CFAP20DC: variants seen among roughly 807,000 people sequenced by gnomAD.
CFAP20DC encodes CFAP20 domain containing, also known as protein CFAP20DC.
Under a neutral mutation model 101.7 loss-of-function variants are expected in CFAP20DC, and 84 were observed. The ratio of observed to expected loss-of-function variants is 0.83; its 90% CI spans 0.69 to 0.99. The LOEUF (loss-of-function observed/expected upper bound fraction) is 0.99. CFAP20DC is among the 50% of genes least tolerant of loss of function. The pLI is 0.00. For missense variants in CFAP20DC, 1,007 were observed against 970.3 expected, an observed-to-expected ratio of 1.04 and a Z score of -0.50; for synonymous variants, 359 against 351.2, an observed-to-expected ratio of 1.02 and a Z score of -0.25.
At chr3:58,980,394 C>A (rs1273601041) in intron 4 of CFAP20DC, among the ~76,000 whole-genome samples, 1 of 151,998 alleles carries the variant, frequency 6.6e-6, no homozygotes, top group Non-Finnish European at 1.5e-5. Context: ...ACGGCAGAGA[C>A]ACAACAAAAA....
At chr3:59,031,701 G>A (rs1307119870) in intron 4 of CFAP20DC, among the ~76,000 whole-genome samples, 1 of 152,100 alleles carries the variant, frequency 6.6e-6, no homozygotes, top group East Asian at 1.9e-4. Context: ...CACCCAAGAA[G>A]ACAAGATTGT....
chr3:58,750,150 C>T (rs184549571), intron 16 of CFAP20DC, among the ~76,000 whole-genome samples: 84 of 152,304 alleles, frequency 5.5e-4, no homozygotes, highest in Admixed American at 9.8e-4. Flanking sequence ...ACACAAACTC[C>T]TACTGAATAA....
intron 4 of CFAP20DC, among the ~76,000 whole-genome samples, chr3:58,943,024 G>T (rs1388064825): frequency 6.6e-6 from 1 of 152,212 alleles, no homozygotes; most frequent in Non-Finnish European, 1.5e-5. Context: ...TGCTTCTCTA[G>T]ATTCCTCCTC....
intron 4 of CFAP20DC, among the ~76,000 whole-genome samples, chr3:59,021,010 G>A (rs1159692212): frequency 5.9e-5 from 9 of 151,938 alleles, no homozygotes; most frequent in Non-Finnish European, 1.3e-4. Context: ...TGTTCCTCCA[G>A]GCTCTCTCTT....
chr3:58,782,980 A>C (rs2071979392), intron 15 of CFAP20DC, among the ~76,000 whole-genome samples: 1 of 151,970 alleles, frequency 6.6e-6, no homozygotes, highest in South Asian at 2.1e-4. Context: ...ACAAAACAAA[A>C]CAAAACAAAA....
At chr3:58,908,704 T>A (rs1173828024) in intron 6 of CFAP20DC, among the ~76,000 whole-genome samples, 2 of 152,174 alleles carry the variant, frequency 1.3e-5, no homozygotes, top group East Asian at 3.8e-4. Flanking sequence ...CACAAAAATG[T>A]TTATAACAGT....
chr3:58,945,519 A>T (rs2089233539), intron 4 of CFAP20DC, among the ~76,000 whole-genome samples: 1 of 152,022 alleles, frequency 6.6e-6, no homozygotes, highest in Non-Finnish European at 1.5e-5. Flanking sequence ...GGCTAATCTT[A>T]TTTTCCTCAT....
chr3:58,716,842 G>C (rs1247257224), downstream of CFAP20DC, among the ~76,000 whole-genome samples: 2 of 152,112 alleles, frequency 1.3e-5, no homozygotes, highest in Non-Finnish European at 2.9e-5. Context: ...CTCAGGAAAA[G>C]GGCCAGAGTA....
intron 4 of CFAP20DC, among the ~76,000 whole-genome samples, chr3:59,036,111 A>G (rs1450454085): frequency 6.6e-6 from 1 of 152,230 alleles, no homozygotes; most frequent in Non-Finnish European, 1.5e-5. Flanking sequence ...CTTTGTGCTA[A>G]AAGTTCTCCA....
At chr3:58,856,868 G>T (rs1374985948) in intron 12 of CFAP20DC, among the ~76,000 whole-genome samples, 1 of 152,144 alleles carries the variant, frequency 6.6e-6, no homozygotes, top group African/African-American at 2.4e-5. Context: ...AAATATTGCA[G>T]TTTATTTTCC....
chr3:58,746,399 T>C (rs1193305120), intron 16 of CFAP20DC, among the ~76,000 whole-genome samples: 1 of 152,186 alleles, frequency 6.6e-6, no homozygotes, highest in Non-Finnish European at 1.5e-5. Flanking sequence ...ATTCAGTGTA[T>C]TCTGTGCCTA....
chr3:58,939,361 A>G (rs1023295816), intron 4 of CFAP20DC, among the ~76,000 whole-genome samples: 1 of 152,218 alleles, frequency 6.6e-6, no homozygotes, highest in African/African-American at 2.4e-5. Context: ...AAAGGGAACA[A>G]AAAGAGGGAC....
intron 4 of CFAP20DC, among the ~76,000 whole-genome samples, chr3:59,026,237 C>CAA (rs2093890213): frequency 1.3e-5 from 2 of 151,982 alleles, no homozygotes; most frequent in African/African-American, 4.8e-5. Context: ...GAGATGCGTT[C>CAA]AAAATATTAA....
intron 5 of CFAP20DC, among the ~76,000 whole-genome samples, chr3:58,936,966 A>AG (rs1202882104): frequency 6.6e-6 from 1 of 152,058 alleles, no homozygotes; most frequent in Non-Finnish European, 1.5e-5. Context: ...CAAAAAAAAA[A>AG]AAGAGAGATA....
intron 10 of CFAP20DC, 142 bp from the exon 11 acceptor site, chr3:58,866,830 G>A: frequency 2.3e-6 from 1 of 432,712 alleles, no homozygotes; most frequent in South Asian, 4.0e-5. Flanking sequence ...ATTACATGCA[G>A]TTTTTTTTTT....
At position 58,869,444 on chromosome 3, in the gene CFAP20DC, G is replaced by T. The variant is rs752355741; in HGVS notation, c.899C>A (p.Ser300Tyr). 3 of 1,613,406 alleles carry T rather than the reference G, an allele frequency of 1.9e-6. No individual in the cohort carries two copies. The highest frequency in any genetic ancestry group is 1.1e-5 in the South Asian group (1 of 90,932). The change falls in exon 9 of 17, where the codon TCC becomes TAC. Residue 300 changes from serine (S) to tyrosine (Y), a missense_variant. Ser to Tyr is a moderately radical substitution (Grantham distance 144). Coordinates refer to ENST00000482387, the MANE Select transcript of CFAP20DC (RefSeq NM_001394063.1). The surrounding 1 kb of genome is among the most constrained non-coding windows in gnomAD (Gnocchi z 4.3). ...GSKNNRSCQP[S>Y]TVEKCVNGTE... is the part of the protein sequence containing the mutation. ...ACCATTAACACACTTCTCTACAGTGGACGGCTGGCATGATCGGTTATTTTT... is the reference window on the plus strand; with the variant it reads ...ACCATTAACACACTTCTCTACAGTGTACGGCTGGCATGATCGGTTATTTTT...
intron 12 of CFAP20DC, among the ~76,000 whole-genome samples, chr3:58,855,200 A>G (rs993509741): frequency 3.9e-5 from 6 of 152,340 alleles, no homozygotes; most frequent in African/African-American, 1.4e-4. Context: ...ACTTCTCAAA[A>G]GAAGACATTA....
chr3:58,738,459 A>G (rs896320250), downstream of CFAP20DC, among the ~76,000 whole-genome samples: 1 of 152,048 alleles, frequency 6.6e-6, no homozygotes, highest in African/African-American at 2.4e-5. The surrounding 1 kb of genome is among the most constrained non-coding windows in gnomAD (Gnocchi z 4.4). Flanking sequence ...CTGTTCCTGC[A>G]TTAGTTTGCT....
intron 4 of CFAP20DC, among the ~76,000 whole-genome samples, chr3:59,008,362 C>T (rs1576687564): frequency 1.3e-5 from 2 of 152,190 alleles, no homozygotes; most frequent in South Asian, 4.1e-4. Flanking sequence ...CCCAGCCACA[C>T]TCATCAAGGC....
Sources: allele counts gnomAD v4.1 joint callset (sites outside exome capture counted in the v4.1 genomes callset), GRCh38; gene constraint gnomAD v4.1.1; non-coding constraint Gnocchi (gnomAD v3.1); transcripts MANE v1.5; gene names NCBI Gene and HGNC (gene_info 2026-07-23, HGNC 2026-07-21).